The following BRAF variants were observed in gnomAD, a reference collection of about 807,000 sequenced individuals.
BRAF encodes the protein serine/threonine-protein kinase B-raf.
In BRAF, 16 loss-of-function variants were observed where a neutral mutation model predicts 104.6. The observed-to-expected ratio is 0.15, with a 90% CI of 0.10 to 0.23. BRAF has a LOEUF of 0.23. Ranked by LOEUF, BRAF falls within the 10% of genes least tolerant of loss-of-function variation. The pLI, the probability that BRAF is intolerant of heterozygous loss-of-function variation, is 1.00. For missense variants in BRAF, 541 were observed against 937.3 expected, an observed-to-expected ratio of 0.58 and a Z score of 5.52; for synonymous variants, 310 against 341.6, an observed-to-expected ratio of 0.91 and a Z score of 1.02.
chr7:140,861,839 C>T (rs1386298963), intron 1 of BRAF, among the ~76,000 whole-genome samples: 1 of 152,034 alleles, frequency 6.6e-6, no homozygotes, highest in Admixed American at 6.6e-5. Context: ...TTACTATATA[C>T]TTGAAGTAGA....
intron 9 of BRAF, among the ~76,000 whole-genome samples, chr7:140,787,300 CAAAAAAAAA>C (rs1199383417): frequency 2.5e-4 from 14 of 55,088 alleles, no homozygotes; most frequent in African/African-American, 5.0e-4. Flanking sequence ...GACTCCGTCT[CAAAAAAAAA>C]AAAAAAAAAA....
In BRAF at chr7:140,912,844, C is replaced by T. The variant is rs559397031; in HGVS notation, c.138+11722G>A. On this transcript the variant is annotated intron_variant, in intron 1 of 19. Coordinates refer to ENST00000644969, the MANE Select transcript of BRAF (RefSeq NM_001374258.1). ...ATTACAGGCGTGAGCCACCAAGCCC[C>T]GATGAATCTACTTTCAAAACATCCA... Among the ~76,000 whole-genome samples, 84 of 152,208 alleles carry T rather than the reference C, an allele frequency of 5.5e-4. 1 individual carries two copies. The highest frequency in any genetic ancestry group is 8.5e-4 in the Admixed American group (13 of 15,278).
chr7:140,880,176 A>C (rs1336862583), intron 1 of BRAF, among the ~76,000 whole-genome samples: 1 of 152,180 alleles, frequency 6.6e-6, no homozygotes, highest in Non-Finnish European at 1.5e-5. Flanking sequence ...CAGTCCTCTC[A>C]AATCTGCCAG....
intron 17 of BRAF, among the ~76,000 whole-genome samples, chr7:140,742,180 G>C (rs1796980398): frequency 6.6e-6 from 1 of 150,870 alleles, no homozygotes; most frequent in Non-Finnish European, 1.5e-5. Context: ...TATAGACATG[G>C]TGGGGTTTTT....
rs928370683 is a variant in BRAF at position 140,924,242 on chromosome 7, G to T, written c.138+324C>A. Among the ~76,000 whole-genome samples, 1 of 151,916 alleles carries T rather than the reference G, an allele frequency of 6.6e-6. No individual in the cohort carries two copies. The highest frequency in any genetic ancestry group is 1.5e-5 in the Non-Finnish European group (1 of 67,956). ...CCCACCCCACAGAGATGCAGAGCTG[G>T]ATACTTCAGCCAATCGTGACCTTCT... On this transcript the variant is annotated intron_variant, in intron 1 of 19. Transcript: ENST00000644969. The surrounding 1 kb of genome is among the most constrained non-coding windows in gnomAD (Gnocchi z 4.2).
At chr7:140,806,108 T>C (rs966751442) in intron 5 of BRAF, among the ~76,000 whole-genome samples, 7 of 152,190 alleles carry the variant, frequency 4.6e-5, no homozygotes. Context: ...CCTTGTATCA[T>C]CCATTCTGAA....
At chr7:140,828,852 C>T (rs1047777033) in intron 3 of BRAF, among the ~76,000 whole-genome samples, 2 of 152,188 alleles carry the variant, frequency 1.3e-5, no homozygotes, top group African/African-American at 4.8e-5. Context: ...TGATACTTCA[C>T]ATTTCTATCC....
At chr7:140,918,759 C>A (rs1444880267) in intron 1 of BRAF, among the ~76,000 whole-genome samples, 3 of 152,124 alleles carry the variant, frequency 2.0e-5, no homozygotes, top group Admixed American at 2.0e-4. Flanking sequence ...TATTTTAGTA[C>A]CTATGTGCCA....
intron 1 of BRAF, among the ~76,000 whole-genome samples, chr7:140,914,808 G>A (rs1464790082): frequency 6.6e-6 from 1 of 151,912 alleles, no homozygotes. Context: ...GGGAGGCTGA[G>A]GCGGACGGAT....
At chr7:140,841,341 T>G (rs1807943688) in intron 2 of BRAF, among the ~76,000 whole-genome samples, 1 of 152,200 alleles carries the variant, frequency 6.6e-6, no homozygotes, top group Non-Finnish European at 1.5e-5. Flanking sequence ...AGTTAGTTCC[T>G]CAAAGTGTAA....
chr7:140,749,958 T>C (rs1004795634), intron 16 of BRAF, among the ~76,000 whole-genome samples: 3 of 152,212 alleles, frequency 2.0e-5, no homozygotes, highest in Non-Finnish European at 4.4e-5. Flanking sequence ...GCATATGGTA[T>C]AAACATGCCA....
rs1420844503 is a variant in BRAF at position 140,754,550 on chromosome 7, A to G, written c.1815-317T>C. Among the ~76,000 whole-genome samples the G allele has an allele frequency of 3.9e-5, 6 of 152,178 alleles. No homozygotes were observed. The South Asian group carries it at 1.2e-3, about 31-fold the overall frequency. Reference sequence around the variant, plus strand: ...CCATGTCCCTTAAATATACCTTGATATTTAATCCCACCACTGTGTTCAATG... The same window carrying G: ...CCATGTCCCTTAAATATACCTTGATGTTTAATCCCACCACTGTGTTCAATG... On this transcript the variant is annotated intron_variant, in intron 14 of 19. Transcript: ENST00000644969.
In BRAF at chr7:140,783,128, G is replaced by C. The variant is rs749792302; in HGVS notation, c.1327C>G (p.Pro443Ala). The change falls in exon 11 of 20, where the codon CCT becomes GCT. Residue 443 changes from proline to alanine, a missense_variant. Physicochemically the swap from Pro to Ala is conservative, Grantham distance 27. Around this residue, in one of 10 missense-constraint regions of BRAF, gnomAD observed 109 missense variants for 143.9 expected, o/e 0.76. Coordinates refer to ENST00000644969, the MANE Select transcript of BRAF (RefSeq NM_001374258.1). ...GTTAGTGAGCCAGGTAATGAGGCAG[G>C]GGGGGTAGCAGACAAACCTGTGGTT... ...GSTTGLSATPPASLPGSLTNV... is the reference protein window; with the variant it reads ...GSTTGLSATPAASLPGSLTNV... The C allele has an allele frequency of 8.7e-6, 14 of 1,614,018 alleles. No individual in the cohort carries two copies. Among genetic ancestry groups the C allele is most frequent in the Middle Eastern group, 1.7e-4 (1 of 6,060 alleles).
At chr7:140,728,146 G>C (rs1478684452) in intron 19 of BRAF, among the ~76,000 whole-genome samples, 1 of 152,182 alleles carries the variant, frequency 6.6e-6, no homozygotes, top group Admixed American at 6.5e-5. Context: ...CTGAGTGCCT[G>C]ATGCCTCACG....
At chr7:140,777,131 C>T in intron 13 of BRAF, 43 bp from the exon 13 acceptor site, 1 of 1,598,788 alleles carries the variant, frequency 6.3e-7, no homozygotes, top group Non-Finnish European at 8.6e-7. Context: ...TGTCGACAAA[C>T]TTTAGCAATT....
chr7:140,900,612 C>CTTGT (rs890511237), intron 1 of BRAF, among the ~76,000 whole-genome samples: 1 of 152,092 alleles, frequency 6.6e-6, no homozygotes, highest in Non-Finnish European at 1.5e-5. Context: ...TTTCTGTTTG[C>CTTGT]TTGTTTGTTT....
In BRAF at chr7:140,777,192, G is replaced by A. The variant is rs1800420016; in HGVS notation, c.1638-104C>T. 5 of 1,248,394 alleles carry A rather than the reference G, an allele frequency of 4.0e-6. No individual in the cohort carries two copies. The East Asian group carries it at 7.6e-5, about 19-fold the overall frequency. 77.3% of individuals were successfully genotyped at this position (1,248,394 alleles called of 1,614,324 possible). A position where few individuals can be genotyped will look rare whatever the true frequency, so the allele number is the denominator to read the frequency against. On this transcript the variant is annotated intron_variant, in intron 13 of 19. Transcript: ENST00000644969. ...TGTCGGTAAAATGTTGTCAGAAAAA[G>A]CTTTTTTTTTTTTAAAAAAGGCAAC... is the stretch of plus-strand genomic sequence containing the variant.
At chr7:140,906,305 G>A (rs370099579) in intron 1 of BRAF, among the ~76,000 whole-genome samples, 36 of 151,856 alleles carry the variant, frequency 2.4e-4, no homozygotes, top group African/African-American at 6.3e-4. Flanking sequence ...GGGCTCAAGC[G>A]ATCCTCTCAC....
Position 140,723,928 on chromosome 7 carries a change from AC to A in BRAF, c.*2565del, listed in dbSNP as rs1795451927. ...ATAAAGCAGATAAAACACAAATAAA[AC>A]CTATTTTCATGTCATTTGTAAACTA... On this transcript the variant is annotated 3_prime_UTR_variant, in exon 20 of 20. Transcript: ENST00000644969. 2 of 1,042,352 alleles carry A rather than the reference AC, an allele frequency of 1.9e-6. No homozygotes were observed. Among genetic ancestry groups the A allele is most frequent in the East Asian group, 1.1e-4 (2 of 17,424 alleles). The allele number at this position is 1,042,352 out of a possible 1,614,324, so 64.6% of individuals were successfully genotyped here.
Sources: allele counts gnomAD v4.1 joint callset (sites outside exome capture counted in the v4.1 genomes callset), GRCh38; gene constraint gnomAD v4.1.1; regional missense constraint gnomAD v4.1.1; non-coding constraint Gnocchi (gnomAD v3.1); transcripts MANE v1.5; gene names NCBI Gene and HGNC (gene_info 2026-07-23, HGNC 2026-07-21).